BFSP1: variants seen among roughly 807,000 people sequenced by gnomAD.
BFSP1 encodes the protein beaded filament structural protein 1.
In BFSP1, 38 loss-of-function variants were observed where a neutral mutation model predicts 43.9. The observed-to-expected ratio is 0.87, with a 90% CI of 0.67 to 1.14. The LOEUF is 1.14. Ranked by LOEUF, BFSP1 falls within the 50% of genes most tolerant of loss-of-function variation. The pLI, the probability that BFSP1 is intolerant of heterozygous loss-of-function variation, is 0.00. For synonymous variants in BFSP1, 352 were observed against 354.8 expected, an observed-to-expected ratio of 0.99 and a Z score of 0.09; for missense variants, 850 against 875.1, an observed-to-expected ratio of 0.97 and a Z score of 0.36.
chr20:17,568,266 T>C (rs956465522), intron 1 of BFSP1, among the ~76,000 whole-genome samples: 1 of 152,112 alleles, frequency 6.6e-6, no homozygotes, highest in African/African-American at 2.4e-5. Context: ...ACCAGTCTTA[T>C]GTTTGGACCT....
intron 2 of BFSP1, among the ~76,000 whole-genome samples, chr20:17,521,381 T>C (rs1484589191): frequency 6.6e-6 from 1 of 152,160 alleles, no homozygotes; most frequent in African/African-American, 2.4e-5. Context: ...GCAGGGGCCA[T>C]CAGTCCTTTC....
At chr20:17,557,298 C>T (rs942232116) in intron 1 of BFSP1, among the ~76,000 whole-genome samples, 15 of 152,178 alleles carry the variant, frequency 9.9e-5, no homozygotes, top group African/African-American at 1.9e-4. Context: ...ATTTGAGATA[C>T]GCTTCCCAGC....
At chr20:17,540,208 A>G (rs2034693941) in intron 1 of BFSP1, among the ~76,000 whole-genome samples, 1 of 147,312 alleles carries the variant, frequency 6.8e-6, no homozygotes, top group Admixed American at 6.8e-5. Context: ...GCTACAAGTG[A>G]TGTGAATATT....
chr20:17,521,143 A>C lies in BFSP1; in HGVS notation c.438+3705T>G, dbSNP rs200274138. ...GACCATGAGATCTAGAAGTTAGCAAACCCAAATATTTTAAAGTCACCTGGA... is the reference window on the plus strand; with the variant it reads ...GACCATGAGATCTAGAAGTTAGCAACCCCAAATATTTTAAAGTCACCTGGA... On this transcript the variant is annotated intron_variant, in intron 2 of 7. Transcript: ENST00000377873. Among the ~76,000 whole-genome samples, 3 of 151,954 alleles carry C rather than the reference A, an allele frequency of 2.0e-5. No individual in the cohort carries two copies. In the South Asian group the frequency reaches 6.3e-4, roughly 32 times the overall value.
chr20:17,556,991 A>C (rs1043622804), intron 1 of BFSP1, among the ~76,000 whole-genome samples: 5 of 152,140 alleles, frequency 3.3e-5, no homozygotes, highest in Non-Finnish European at 7.4e-5. Flanking sequence ...CTCAGGGCCC[A>C]GGCTCTCTCC....
At chr20:17,553,659 G>A (rs965645507) in intron 1 of BFSP1, among the ~76,000 whole-genome samples, 1 of 151,408 alleles carries the variant, frequency 6.6e-6, no homozygotes, top group African/African-American at 2.4e-5. Flanking sequence ...GGCAAGTGGG[G>A]TGGCAAACTA....
chr20:17,550,523 G>T (rs1172987277), intron 1 of BFSP1, among the ~76,000 whole-genome samples: 1 of 148,192 alleles, frequency 6.7e-6, no homozygotes, highest in Non-Finnish European at 1.5e-5. Flanking sequence ...GGAGGGCAAT[G>T]GCGTGATCTC....
chr20:17,566,438 G>C (rs2035120169), intron 1 of BFSP1, among the ~76,000 whole-genome samples: 3 of 152,296 alleles, frequency 2.0e-5, no homozygotes, highest in Non-Finnish European at 2.9e-5. Context: ...TTTAAGGAGA[G>C]ACCTTATGTG....
At chr20:17,566,244 T>C (rs1038798334) in intron 1 of BFSP1, among the ~76,000 whole-genome samples, 1 of 152,134 alleles carries the variant, frequency 6.6e-6, no homozygotes, top group East Asian at 1.9e-4. Context: ...GTGTTATGTC[T>C]CCCAGCAAAG....
At chr20:17,516,883 C>G in intron 2 of BFSP1, 1 of 672,246 alleles carries the variant, frequency 1.5e-6, no homozygotes, top group Non-Finnish European at 2.7e-6. Context: ...AAGACCATCA[C>G]CCTCAAGGTT....
Position 17,523,902 on chromosome 20 carries a change from G to A in BFSP1, c.438+946C>T, listed in dbSNP as rs545727904. Reference sequence around the variant, plus strand: ...CAAAGTGAAGGGATGGCAAACATCCGGCGCTAACCCTGACTGTCCAAAGAG... The same window carrying A: ...CAAAGTGAAGGGATGGCAAACATCCAGCGCTAACCCTGACTGTCCAAAGAG... On this transcript the variant is annotated intron_variant, in intron 2 of 7. Transcript: ENST00000377873. Among the ~76,000 whole-genome samples the A allele has an allele frequency of 1.3e-4, 20 of 151,810 alleles. No homozygotes were observed. In the East Asian group the frequency reaches 3.3e-3, roughly 25 times the overall value.
intron 2 of BFSP1, among the ~76,000 whole-genome samples, chr20:17,520,210 G>GCCCCCCCCCCCCCCCCC (rs138070825): frequency 3.0e-4 from 40 of 133,410 alleles, no homozygotes; most frequent in South Asian, 5.0e-4. Context: ...GTTTTAACGT[G>GCCCCCCCCCCCCCCCCC]CCCCCCCACC....
chr20:17,544,608 T>A (rs2034771200), intron 1 of BFSP1, among the ~76,000 whole-genome samples: 1 of 152,182 alleles, frequency 6.6e-6, no homozygotes, highest in Non-Finnish European at 1.5e-5. Flanking sequence ...ATTACCTAAC[T>A]TAAAAAAATC....
intron 2 of BFSP1, among the ~76,000 whole-genome samples, chr20:17,522,544 C>A (rs2034339627): frequency 2.0e-5 from 3 of 152,214 alleles, no homozygotes; most frequent in African/African-American, 7.2e-5. Flanking sequence ...TTTATGTCAT[C>A]CGCTGTAAAT....
intron 1 of BFSP1, among the ~76,000 whole-genome samples, chr20:17,546,012 C>A (rs186585085): frequency 6.6e-6 from 1 of 152,154 alleles, no homozygotes; most frequent in Non-Finnish European, 1.5e-5. Context: ...TTACCACTTA[C>A]CTTGAATTCT....
At position 17,531,032 on chromosome 20, in the gene BFSP1, G is replaced by C. The variant is rs2034522884; in HGVS notation, c.298C>G (p.Arg100Gly). ...CGGGCGCGCTCGGCCTCCAGGTCCC[G>C]GACGCGCTGGCGGTTGCTCTCGACT... ...RQVESNRQRVRDLEAERARLE... is the reference protein window; with the variant it reads ...RQVESNRQRVGDLEAERARLE... Residue 100 changes from arginine to glycine, a missense_variant, in exon 1 of 8, where the codon CGG becomes GGG. By Grantham distance (125) the Arg-to-Gly change is moderately radical. Transcript: ENST00000377873. 10 of 1,422,162 alleles carry C rather than the reference G, an allele frequency of 7.0e-6. No individual in the cohort carries two copies. The highest frequency in any genetic ancestry group is 9.2e-6 in the Non-Finnish European group (10 of 1,091,666). The allele number at this position is 1,422,162 out of a possible 1,614,324, so 88.1% of individuals were successfully genotyped here.
chr20:17,538,698 A>T (rs1353804586), intron 1 of BFSP1, among the ~76,000 whole-genome samples: 10 of 152,232 alleles, frequency 6.6e-5, no homozygotes, highest in Non-Finnish European at 1.0e-4. Context: ...CATTCTGGTT[A>T]TGCATGAAAA....
chr20:17,508,240 G>A lies in BFSP1; in HGVS notation c.735+649C>T, dbSNP rs117275618. Among the ~76,000 whole-genome samples the A allele has an allele frequency of 6.4e-3, 605 of 93,920 alleles. 24 individuals carry two copies. Among genetic ancestry groups the A allele is most frequent in the Admixed American group, 0.055 (509 of 9,278 alleles). 61.6% of individuals were successfully genotyped at this position (93,920 alleles called of 152,430 possible). ...AGGGTAATGAGAAAGAGAGAGAACC[G>A]GAAGGAACAAAGAAGATGAGCCGGC... is the stretch of plus-strand genomic sequence containing the variant. On this transcript the variant is annotated intron_variant, in intron 5 of 7. Coordinates refer to ENST00000377873, the MANE Select transcript of BFSP1 (RefSeq NM_001195.5).
intron 5 of BFSP1, among the ~76,000 whole-genome samples, chr20:17,505,725 C>G (rs968095080): frequency 6.6e-6 from 1 of 152,236 alleles, no homozygotes; most frequent in Non-Finnish European, 1.5e-5. Flanking sequence ...CCCTGGGACC[C>G]GCCCTTACCC....
Sources: allele counts gnomAD v4.1 joint callset (sites outside exome capture counted in the v4.1 genomes callset), GRCh38; gene constraint gnomAD v4.1.1; transcripts MANE v1.5; gene names NCBI Gene and HGNC (gene_info 2026-07-23, HGNC 2026-07-21).